Variants in CCDC7 observed in about 807,000 individuals in gnomAD.
CCDC7 encodes coiled-coil domain-containing protein 7.
Under a neutral mutation model 196.9 loss-of-function variants are expected in CCDC7, and 183 were observed. That is an observed-to-expected ratio of 0.93 (90% CI 0.82 to 1.05). The LOEUF (loss-of-function observed/expected upper bound fraction) is 1.05. Among genes scored for constraint, CCDC7 ranks in the 50% least tolerant of loss-of-function variants. The pLI, the probability that CCDC7 is intolerant of heterozygous loss-of-function variation, is 0.00. For synonymous variants in CCDC7, 525 were observed against 484.6 expected (o/e 1.08, Z -1.10); for missense variants, 1,540 against 1,482.2 (o/e 1.04, Z -0.64).
intron 13 of CCDC7, among the ~76,000 whole-genome samples, chr10:32,558,990 A>G (rs568668721): frequency 2.6e-5 from 4 of 152,240 alleles, no homozygotes; most frequent in Non-Finnish European, 5.9e-5. Context: ...CAACAGGCTT[A>G]AAAAACAGCG....
In CCDC7 at chr10:32,729,412, G is replaced by A. The variant is rs753421053; in HGVS notation, c.2860G>A (p.Glu954Lys). 17 of 1,470,430 alleles carry A rather than the reference G, an allele frequency of 1.2e-5. No individual in the cohort carries two copies. The highest frequency in any genetic ancestry group is 4.6e-5 in the East Asian group (2 of 43,094). 91.1% of individuals were successfully genotyped at this position (1,470,430 alleles called of 1,614,324 possible). A position where few individuals can be genotyped will look rare whatever the true frequency, so the allele number is the denominator to read the frequency against. Residue 954 changes from glutamate to lysine, a missense_variant, in exon 28 of 42, where the codon GAA becomes AAA. Physicochemically the swap from Glu to Lys is moderately conservative, Grantham distance 56. Coordinates refer to ENST00000639629, the Ensembl canonical transcript of CCDC7. ...GGAGAAAGTTTTATTATCAAGAAGC[G>A]AATCTCAAACGAAGAAACTTCAAGC... is the stretch of plus-strand genomic sequence containing the variant.
Position 32,650,513 on chromosome 10 carries a change from G to T in CCDC7, c.2015-13541G>T, listed in dbSNP as rs2068557175. 2.0e-5 allele frequency among the ~76,000 whole-genome samples: 3 copies of T among 152,218 alleles called. No homozygotes were observed. In the South Asian group the frequency reaches 6.2e-4, roughly 32 times the overall value. ...AATTTTGTTGTGGTGATGGTGGTTA[G>T]ATCTTTTGGGCCACAGGGCTCCCTT... On this transcript the variant is annotated intron_variant, in intron 20 of 41. Transcript: ENST00000639629.
Position 32,624,131 on chromosome 10 carries a change from TC to T in CCDC7, c.1802-10121del, listed in dbSNP as rs781507901. 1.8e-3 allele frequency among the ~76,000 whole-genome samples: 275 copies of T among 152,292 alleles called. 1 individual carries two copies. The highest frequency in any genetic ancestry group is 3.9e-3 in the Admixed American group (60 of 15,272). ...TCAATGCACTAGAACATTCTTTTCT[TC>T]CTTTTATCAAAATATATAAAAAATT... On this transcript the variant is annotated intron_variant, in intron 18 of 41. Transcript: ENST00000639629.
chr10:32,729,269 A>G (rs1414577126), intron 27 of CCDC7, 63 bp from the exon 29 acceptor site: 1 of 1,439,398 alleles, frequency 6.9e-7, no homozygotes, highest in Non-Finnish European at 9.4e-7. Context: ...CCATGGGTTG[A>G]AATTCTGATG....
intron 28 of CCDC7, among the ~76,000 whole-genome samples, chr10:32,740,194 C>T (rs989979510): frequency 5.3e-5 from 8 of 152,052 alleles, no homozygotes; most frequent in African/African-American, 2.4e-5. Flanking sequence ...TATTTCCTTT[C>T]CCCCAGGTCT....
At chr10:32,662,886 G>T (rs1203758750) in intron 20 of CCDC7, among the ~76,000 whole-genome samples, 1 of 152,144 alleles carries the variant, frequency 6.6e-6, no homozygotes, top group Non-Finnish European at 1.5e-5. Context: ...ACTCCTTATT[G>T]CTGAAGTAAG....
downstream of CCDC7, chr10:32,877,196 T>A (rs964367089): frequency 2.0e-5 from 3 of 152,090 alleles, no homozygotes; most frequent in African/African-American, 7.2e-5. Flanking sequence ...TTACATTTTA[T>A]ATAGTAATGA....
intron 8 of CCDC7, among the ~76,000 whole-genome samples, chr10:32,482,389 ACTTT>A (rs61655119): frequency 0.25 from 38,099 of 151,716 alleles, 5,338 homozygotes; most frequent in South Asian, 0.44. Context: ...TTTTCAAATA[ACTTT>A]CTTTAAGTTT....
chr10:32,486,081 A>AATGTTG (rs754500964), intron 8 of CCDC7, among the ~76,000 whole-genome samples: 5 of 152,138 alleles, frequency 3.3e-5, no homozygotes, highest in Admixed American at 6.5e-5. Flanking sequence ...TGATCTGTCT[A>AATGTTG]ATGTTGACAG....
intron 11 of CCDC7, among the ~76,000 whole-genome samples, chr10:32,524,186 C>G (rs112255834): frequency 1.3e-5 from 2 of 151,524 alleles, no homozygotes; most frequent in African/African-American, 4.8e-5. Flanking sequence ...ATGAGGCTTG[C>G]AAGTACTATC....
intron 8 of CCDC7, among the ~76,000 whole-genome samples, chr10:32,487,025 T>C (rs58980198): frequency 0.051 from 7,731 of 152,166 alleles, 637 homozygotes; most frequent in African/African-American, 0.17. Context: ...TTTCCTGAAT[T>C]TGAATGTTGG....
intron 21 of CCDC7, among the ~76,000 whole-genome samples, chr10:32,675,364 T>TAA (rs2074768130): frequency 6.7e-6 from 1 of 148,588 alleles, no homozygotes; most frequent in South Asian, 2.1e-4. Flanking sequence ...TTATCTATTT[T>TAA]AAATTGTTAA....
intron 13 of CCDC7, among the ~76,000 whole-genome samples, chr10:32,547,147 A>G (rs1219277460): frequency 2.0e-5 from 3 of 152,072 alleles, no homozygotes; most frequent in African/African-American, 7.2e-5. Context: ...CCTCCCAGGT[A>G]TCTAGGACTA....
intron 18 of CCDC7, among the ~76,000 whole-genome samples, chr10:32,621,292 A>G (rs570002602): frequency 1.6e-4 from 24 of 152,272 alleles, no homozygotes; most frequent in Admixed American, 1.2e-3. Flanking sequence ...TCTCTTCTTT[A>G]TACCACAAAG....
At chr10:32,463,154 C>T in intron 5 of CCDC7, 105 bp downstream of exon 6, 2 of 1,409,786 alleles carry the variant, frequency 1.4e-6, no homozygotes. Flanking sequence ...TTTTGAATAA[C>T]TGTTGGTTAT....
intron 16 of CCDC7, among the ~76,000 whole-genome samples, chr10:32,576,236 A>G (rs924359917): frequency 2.6e-5 from 4 of 151,672 alleles, no homozygotes; most frequent in Non-Finnish European, 5.9e-5. Context: ...CTGCAGCACC[A>G]TCTGTTGCTT....
chr10:32,838,766 T>C (rs558613870), intron 33 of CCDC7, among the ~76,000 whole-genome samples: 2 of 152,124 alleles, frequency 1.3e-5, no homozygotes, highest in South Asian at 2.1e-4. Flanking sequence ...GGAAAACCTG[T>C]CAGATTAACA....
chr10:32,546,306 T>C (rs1190793976), intron 13 of CCDC7, among the ~76,000 whole-genome samples: 1 of 152,206 alleles, frequency 6.6e-6, no homozygotes, highest in Non-Finnish European at 1.5e-5. Context: ...ATTTTAATCA[T>C]TGCATACCCT....
chr10:32,767,867 C>T (rs2078571897), intron 28 of CCDC7, among the ~76,000 whole-genome samples: 1 of 152,118 alleles, frequency 6.6e-6, no homozygotes, highest in South Asian at 2.1e-4. Flanking sequence ...CTTCAGATAA[C>T]ATAGAGAAGG....
Sources: allele counts gnomAD v4.1 joint callset (sites outside exome capture counted in the v4.1 genomes callset), GRCh38; gene constraint gnomAD v4.1.1; transcripts MANE v1.5; gene names NCBI Gene and HGNC (gene_info 2026-07-23, HGNC 2026-07-21).